The following NPAS3 variants were observed in gnomAD, a reference collection of about 807,000 sequenced individuals.
The protein encoded by NPAS3 is neuronal PAS domain-containing protein 3.
In NPAS3, 14 loss-of-function variants were observed where a neutral mutation model predicts 73.1. The ratio of observed to expected loss-of-function variants is 0.19; its 90% CI spans 0.13 to 0.30. The LOEUF is 0.30. Ranked by LOEUF, NPAS3 falls within the 10% of genes least tolerant of loss-of-function variation. The pLI, the probability that NPAS3 is intolerant of heterozygous loss-of-function variation, is 1.00. For missense variants in NPAS3, 1,096 were observed against 1,250.0 expected, an observed-to-expected ratio of 0.88 and a Z score of 1.86; for synonymous variants, 620 against 541.5, an observed-to-expected ratio of 1.14 and a Z score of -2.01.
intron 1 of NPAS3, among the ~76,000 whole-genome samples, chr14:32,996,660 T>A (rs2038587310): frequency 6.6e-6 from 1 of 152,070 alleles, no homozygotes; most frequent in South Asian, 2.1e-4. Context: ...AGCTTGCATG[T>A]GGTGTTGAGC....
chr14:33,731,075 T>TG (rs970989998), intron 6 of NPAS3, among the ~76,000 whole-genome samples: 4 of 151,744 alleles, frequency 2.6e-5, no homozygotes, highest in Admixed American at 6.6e-5. Flanking sequence ...CAGGATTTGG[T>TG]GGGGGCTGGA....
chr14:33,603,923 T>G (rs1411257518), intron 5 of NPAS3, among the ~76,000 whole-genome samples: 2 of 152,114 alleles, frequency 1.3e-5, no homozygotes, highest in Non-Finnish European at 2.9e-5. Context: ...AGTATGCTCT[T>G]GTAGGGCTCT....
At chr14:33,314,653 C>A (rs1173306175) in intron 3 of NPAS3, among the ~76,000 whole-genome samples, 3 of 151,970 alleles carry the variant, frequency 2.0e-5, no homozygotes, top group African/African-American at 4.8e-5. Flanking sequence ...AATGGTAAGT[C>A]TGCATCAGGA....
In NPAS3 at chr14:33,729,145, G is replaced by A. The variant is rs10146265; in HGVS notation, c.734-6069G>A. 7.5e-3 allele frequency among the ~76,000 whole-genome samples: 1,142 copies of A among 152,174 alleles called. 13 individuals are homozygous for A. Among genetic ancestry groups the A allele is most frequent in the African/African-American group, 0.023 (937 of 41,520 alleles). On this transcript the variant is annotated intron_variant, in intron 6 of 11. Coordinates refer to ENST00000356141, the Ensembl canonical transcript of NPAS3. ...TTACAGTCTTGTACATGGCACTATC[G>A]ATGACATCTTTTGCAAATTTCCCAT... is the stretch of plus-strand genomic sequence containing the variant.
At chr14:32,950,860 AG>A (rs2036455097) in intron 1 of NPAS3, among the ~76,000 whole-genome samples, 1 of 152,156 alleles carries the variant, frequency 6.6e-6, no homozygotes, top group African/African-American at 2.4e-5. Flanking sequence ...TTAAACTGCC[AG>A]TGAAATACAC....
chr14:33,731,636 C>T (rs1308557421), intron 6 of NPAS3, among the ~76,000 whole-genome samples: 2 of 152,068 alleles, frequency 1.3e-5, no homozygotes, highest in Non-Finnish European at 2.9e-5. Flanking sequence ...ACAAGGGGAA[C>T]AGCAACCACA....
chr14:33,461,389 A>C (rs1184494683), intron 4 of NPAS3, among the ~76,000 whole-genome samples: 1 of 152,192 alleles, frequency 6.6e-6, no homozygotes, highest in Non-Finnish European at 1.5e-5. Flanking sequence ...AGATAGTTTT[A>C]TCCTGGTGTT....
At chr14:33,483,151 C>T (rs1469810154) in intron 4 of NPAS3, among the ~76,000 whole-genome samples, 1 of 152,060 alleles carries the variant, frequency 6.6e-6, no homozygotes, top group African/African-American at 2.4e-5. Flanking sequence ...CCAATTCAGG[C>T]TAAAATAGAA....
chr14:32,938,434 A>G (rs2035771136), upstream of NPAS3, among the ~76,000 whole-genome samples: 1 of 147,488 alleles, frequency 6.8e-6, no homozygotes, highest in African/African-American at 2.5e-5. Flanking sequence ...CCGGCAGCCG[A>G]GCCTCCCAGT....
chr14:33,590,384 T>C lies in NPAS3; in HGVS notation c.558+30174T>C, dbSNP rs77891687. Among the ~76,000 whole-genome samples, 2,511 of 152,252 alleles carry C rather than the reference T, an allele frequency of 0.016. 116 individuals are homozygous for C. In the East Asian group the frequency reaches 0.19, roughly 12 times the overall value. On this transcript the variant is annotated intron_variant, in intron 5 of 11. Coordinates refer to ENST00000356141, the Ensembl canonical transcript of NPAS3. ...ACTTACTGCTAGATATTCTGGACAGTGTCCACATCTGGACACTGAGGATTT... is the reference window on the plus strand; with the variant it reads ...ACTTACTGCTAGATATTCTGGACAGCGTCCACATCTGGACACTGAGGATTT...
At chr14:33,293,715 A>T (rs185154645) in intron 3 of NPAS3, among the ~76,000 whole-genome samples, 1 of 152,226 alleles carries the variant, frequency 6.6e-6, no homozygotes, top group Non-Finnish European at 1.5e-5. Flanking sequence ...AACTGAAAAG[A>T]GATATACAAA....
intron 1 of NPAS3, among the ~76,000 whole-genome samples, chr14:32,986,751 G>C (rs545137065): frequency 6.6e-6 from 1 of 152,324 alleles, no homozygotes; most frequent in South Asian, 2.1e-4. Context: ...TAACAGCAGC[G>C]TTGTAGCTTT....
chr14:33,288,797 AT>A (rs2140099233), intron 3 of NPAS3, among the ~76,000 whole-genome samples: 1 of 152,216 alleles, frequency 6.6e-6, no homozygotes, highest in African/African-American at 2.4e-5. Context: ...CAATCTAATC[AT>A]GCACATGTAC....
At chr14:33,554,249 G>T (rs1431872796) in intron 4 of NPAS3, among the ~76,000 whole-genome samples, 7 of 152,186 alleles carry the variant, frequency 4.6e-5, no homozygotes, top group African/African-American at 1.7e-4. Context: ...TCTAATGTCT[G>T]ATATGCATAG....
intron 7 of NPAS3, among the ~76,000 whole-genome samples, chr14:33,740,974 T>A (rs998774804): frequency 2.0e-5 from 3 of 152,168 alleles, no homozygotes; most frequent in Non-Finnish European, 4.4e-5. Flanking sequence ...AGAATGCTGA[T>A]TCTTATGGAG....
At chr14:32,972,993 T>C (rs992627407) in intron 1 of NPAS3, among the ~76,000 whole-genome samples, 1 of 152,224 alleles carries the variant, frequency 6.6e-6, no homozygotes, top group Non-Finnish European at 1.5e-5. Context: ...AAGGCATTCT[T>C]GCAGATTAGT....
chr14:33,107,924 C>A (rs1016124150), intron 2 of NPAS3, among the ~76,000 whole-genome samples: 1 of 152,012 alleles, frequency 6.6e-6, no homozygotes, highest in African/African-American at 2.4e-5. Flanking sequence ...GCTTTTAATT[C>A]TTTGAAAAAA....
At chr14:33,148,562 A>G (rs2044328798) in intron 2 of NPAS3, among the ~76,000 whole-genome samples, 1 of 152,228 alleles carries the variant, frequency 6.6e-6, no homozygotes, top group South Asian at 2.1e-4. Context: ...TGATGACAAT[A>G]TTTTGGACAG....
At chr14:32,975,896 T>A (rs10162479) in intron 1 of NPAS3, among the ~76,000 whole-genome samples, 100,783 of 142,102 alleles carry the variant, frequency 0.71, 35,216 homozygotes, top group Admixed American at 0.73. Context: ...TGTGTGTGTG[T>A]GAGAGAGAGA....
Sources: gnomAD v4.1 joint callset for allele counts (sites outside exome capture counted in the v4.1 genomes callset) on GRCh38, gnomAD v4.1.1 for gene constraint, MANE v1.5 for transcripts, NCBI Gene and HGNC (gene_info 2026-07-23, HGNC 2026-07-21) for gene names.